The following CHIC1 variants were observed in gnomAD, a reference collection of about 807,000 sequenced individuals.
CHIC1 encodes the protein cysteine rich hydrophobic domain 1, also known as cysteine-rich hydrophobic domain-containing protein 1.
CHIC1 carries 7 observed loss-of-function variants against 18.5 expected under a neutral mutation model. The observed-to-expected ratio is 0.38, with a 90% confidence interval of 0.22 to 0.71. CHIC1 has a LOEUF of 0.71. Among genes scored for constraint, CHIC1 ranks in the 30% least tolerant of loss-of-function variants. CHIC1 has a pLI of 0.49. For missense variants in CHIC1, 159 were observed against 176.9 expected, an observed-to-expected ratio of 0.90 and a Z score of 0.57; for synonymous variants, 77 against 73.5, an observed-to-expected ratio of 1.05 and a Z score of -0.25.
In CHIC1 at chrX:73,580,420, CTG is replaced by C. The variant is rs1321771080; in HGVS notation, c.351+2962_351+2963del. ...GTGTTGGATAAGGCATAAATTATAA[CTG>C]TGATATTTTTCTTAGCATGTGTTTG... On this transcript the variant is annotated intron_variant, in intron 2 of 5. Coordinates refer to ENST00000373502, the MANE Select transcript of CHIC1 (RefSeq NM_001039840.4). Among the ~76,000 whole-genome samples the C allele has an allele frequency of 1.4e-4, 16 of 110,737 alleles. No homozygotes were observed. In the Admixed American group the frequency reaches 1.5e-3, roughly 11 times the overall value.
At chrX:73,620,965 C>T (rs770115925) in intron 3 of CHIC1, among the ~76,000 whole-genome samples, 3 of 111,720 alleles carry the variant, frequency 2.7e-5, no homozygotes, top group Non-Finnish European at 5.6e-5. Context: ...GAATCCTTTC[C>T]CCATTGCTTA....
chrX:73,616,171 C>T (rs1331318758), intron 3 of CHIC1, among the ~76,000 whole-genome samples: 1 of 110,990 alleles, frequency 9.0e-6, no homozygotes, highest in Non-Finnish European at 1.9e-5. Flanking sequence ...GCATGGGACC[C>T]AATGTGACTA....
At chrX:73,642,224 G>C (rs2057860672) in intron 3 of CHIC1, among the ~76,000 whole-genome samples, 1 of 111,234 alleles carries the variant, frequency 9.0e-6, no homozygotes, top group Non-Finnish European at 1.9e-5. Context: ...ACTGGTATGA[G>C]ATGGTATCTC....
chrX:73,630,082 A>C (rs1033119834), intron 3 of CHIC1, among the ~76,000 whole-genome samples: 1 of 112,006 alleles, frequency 8.9e-6, no homozygotes, highest in African/African-American at 3.2e-5. Context: ...TAAAAACACA[A>C]CTGTTTTTGT....
chrX:73,676,991 G>T (rs2058068508), intron 3 of CHIC1, among the ~76,000 whole-genome samples: 1 of 111,924 alleles, frequency 8.9e-6, no homozygotes, highest in South Asian at 3.7e-4. Flanking sequence ...GTTTGCTAGA[G>T]TTCCACTCCA....
intron 3 of CHIC1, among the ~76,000 whole-genome samples, chrX:73,674,192 C>A (rs944006546): frequency 1.8e-5 from 2 of 108,933 alleles, no homozygotes; most frequent in African/African-American, 6.6e-5. Flanking sequence ...TTCTAAAATT[C>A]TCTTTTTTGG....
chrX:73,637,899 C>A (rs1466271809), intron 3 of CHIC1, among the ~76,000 whole-genome samples: 1 of 110,944 alleles, frequency 9.0e-6, no homozygotes, highest in Non-Finnish European at 1.9e-5. Context: ...TAGGAGTGGG[C>A]TATGCCTTCT....
chrX:73,621,226 T>C (rs185019751), intron 3 of CHIC1, among the ~76,000 whole-genome samples: 12 of 111,927 alleles, frequency 1.1e-4, no homozygotes, highest in Non-Finnish European at 2.1e-4. Context: ...TTTTCTCTGA[T>C]TTTATGAGGA....
At chrX:73,652,625 A>G (rs767051672) in intron 3 of CHIC1, among the ~76,000 whole-genome samples, 2 of 112,926 alleles carry the variant, frequency 1.8e-5, no homozygotes, top group South Asian at 7.3e-4. Flanking sequence ...AACATATGGA[A>G]AAAAAGCTCA....
chrX:73,616,033 G>T (rs927388891), intron 3 of CHIC1, among the ~76,000 whole-genome samples: 18 of 110,584 alleles, frequency 1.6e-4, no homozygotes, highest in East Asian at 2.9e-4. Context: ...AGGTAGGGAA[G>T]ATCAATGGAG....
intron 3 of CHIC1, among the ~76,000 whole-genome samples, chrX:73,621,789 T>C (rs2057761609): frequency 8.9e-6 from 1 of 112,282 alleles, no homozygotes; most frequent in African/African-American, 3.2e-5. Context: ...TCAAAGGGAA[T>C]GCTTCCAGCT....
In CHIC1 at chrX:73,620,041, G is replaced by A. The variant is rs182550699; in HGVS notation, c.507+35469G>A. Among the ~76,000 whole-genome samples, 11 of 111,803 alleles carry A rather than the reference G, an allele frequency of 9.8e-5. No individual in the cohort carries two copies. In the East Asian group the frequency reaches 1.4e-3, roughly 14 times the overall value. ...GTCCCTACAAAGGATGAGCTCATCC[G>A]TTTTTATGGCTGCATAGTATTCCAT... On this transcript the variant is annotated intron_variant, in intron 3 of 5. Transcript: ENST00000373502.
chrX:73,580,382 C>T (rs913035403), intron 2 of CHIC1, among the ~76,000 whole-genome samples: 1 of 110,727 alleles, frequency 9.0e-6, no homozygotes, highest in African/African-American at 3.3e-5. Context: ...GTATAGTGTA[C>T]AAAATCTATC....
At chrX:73,625,949 A>G (rs1270378246) in intron 3 of CHIC1, among the ~76,000 whole-genome samples, 1 of 110,533 alleles carries the variant, frequency 9.0e-6, no homozygotes, top group Non-Finnish European at 1.9e-5. Flanking sequence ...ACCCAAAGTC[A>G]GTCAATTGTT....
chrX:73,626,659 C>A (rs2057784858), intron 3 of CHIC1, among the ~76,000 whole-genome samples: 1 of 110,636 alleles, frequency 9.0e-6, no homozygotes, highest in African/African-American at 3.3e-5. Context: ...TTATTTCAAT[C>A]TCTTTGTTAA....
chrX:73,674,292 A>C (rs1469523205), intron 3 of CHIC1, among the ~76,000 whole-genome samples: 2 of 112,093 alleles, frequency 1.8e-5, no homozygotes, highest in Non-Finnish European at 3.8e-5. Context: ...TGATTGGAAT[A>C]GTTTCAGAAG....
At chrX:73,635,890 A>C (rs1472130316) in intron 3 of CHIC1, among the ~76,000 whole-genome samples, 1 of 111,384 alleles carries the variant, frequency 9.0e-6, no homozygotes, top group Non-Finnish European at 1.9e-5. Context: ...TATGTCTCTT[A>C]GGTCCTGTTG....
chrX:73,635,003 C>A (rs2057825238), intron 3 of CHIC1, among the ~76,000 whole-genome samples: 1 of 110,762 alleles, frequency 9.0e-6, no homozygotes, highest in African/African-American at 3.3e-5. Context: ...CTGGCTCCCA[C>A]AAAAGTATTC....
At chrX:73,629,061 T>A (rs1175453097) in intron 3 of CHIC1, among the ~76,000 whole-genome samples, 1 of 111,762 alleles carries the variant, frequency 8.9e-6, no homozygotes, top group Non-Finnish European at 1.9e-5. Context: ...TTGATTTGCA[T>A]TCTCTGGTGA....
Sources: gnomAD v4.1 joint callset for allele counts (sites outside exome capture counted in the v4.1 genomes callset) on GRCh38, gnomAD v4.1.1 for gene constraint, MANE v1.5 for transcripts, NCBI Gene and HGNC (gene_info 2026-07-23, HGNC 2026-07-21) for gene names.